Variants in PRKG1 observed in about 807,000 individuals in gnomAD.
PRKG1 encodes the protein protein kinase cGMP-dependent 1.
Under a neutral mutation model 88.1 loss-of-function variants are expected in PRKG1, and 35 were observed. The ratio of observed to expected loss-of-function variants is 0.40; its 90% CI spans 0.30 to 0.53. PRKG1 has a LOEUF of 0.53. PRKG1 is among the 20% of genes least tolerant of loss of function. The pLI, the probability that PRKG1 is intolerant of heterozygous loss-of-function variation, is 0.59. For synonymous variants in PRKG1, 303 were observed against 292.5 expected (o/e 1.04, Z -0.37); for missense variants, 540 against 839.8 (o/e 0.64, Z 4.41).
chr10:51,397,876 C>G lies in PRKG1; in HGVS notation c.479-69847C>G, dbSNP rs190629823. On this transcript the variant is annotated intron_variant, in intron 2 of 17. Coordinates refer to ENST00000373980, the MANE Select transcript of PRKG1 (RefSeq NM_006258.4). ...ATGAATCAGATGTCCTTTTCCTCCTCGAAGGCAGAATGTGTCACTTACTTA... is the reference window on the plus strand; with the variant it reads ...ATGAATCAGATGTCCTTTTCCTCCTGGAAGGCAGAATGTGTCACTTACTTA... Among the ~76,000 whole-genome samples, 239 of 152,276 alleles carry G rather than the reference C, an allele frequency of 1.6e-3. 1 individual carries two copies. Among genetic ancestry groups the G allele is most frequent in the African/African-American group, 5.7e-3 (235 of 41,556 alleles).
chr10:51,987,557 C>T (rs931421347), intron 5 of PRKG1, among the ~76,000 whole-genome samples: 2 of 151,126 alleles, frequency 1.3e-5, no homozygotes, highest in African/African-American at 4.9e-5. Context: ...TTCTAAGTCA[C>T]TAATTGTGTG....
At chr10:51,541,888 G>A (rs1398608210) in intron 3 of PRKG1, among the ~76,000 whole-genome samples, 1 of 152,088 alleles carries the variant, frequency 6.6e-6, no homozygotes, top group African/African-American at 2.4e-5. Context: ...AATGTAAAAT[G>A]TAAGATAGAA....
At chr10:51,802,634 A>G (rs1839203708) in intron 3 of PRKG1, among the ~76,000 whole-genome samples, 1 of 152,084 alleles carries the variant, frequency 6.6e-6, no homozygotes, top group African/African-American at 2.4e-5. Flanking sequence ...AGGAGCAGAG[A>G]TTATAAGAGA....
intron 3 of PRKG1, among the ~76,000 whole-genome samples, chr10:51,496,639 C>T (rs1019070839): frequency 1.3e-5 from 2 of 152,134 alleles, no homozygotes; most frequent in Non-Finnish European, 2.9e-5. Flanking sequence ...TGATCAGAAA[C>T]GCCTCAGTGT....
chr10:52,157,120 A>G (rs979226063), intron 8 of PRKG1, among the ~76,000 whole-genome samples: 5 of 150,978 alleles, frequency 3.3e-5, no homozygotes, highest in Non-Finnish European at 7.4e-5. Context: ...AAAATATTCT[A>G]TTTTTAAAAT....
At chr10:51,128,059 G>A (rs1845475053) in intron 1 of PRKG1, among the ~76,000 whole-genome samples, 1 of 152,070 alleles carries the variant, frequency 6.6e-6, no homozygotes, top group Non-Finnish European at 1.5e-5. Flanking sequence ...AAACCACCAT[G>A]GCACATGTAT....
At chr10:51,935,136 A>G (rs1480387603) in intron 5 of PRKG1, among the ~76,000 whole-genome samples, 1 of 152,086 alleles carries the variant, frequency 6.6e-6, no homozygotes, top group African/African-American at 2.4e-5. Flanking sequence ...AGTCCCTGGA[A>G]ATCTTTGTCT....
intron 3 of PRKG1, among the ~76,000 whole-genome samples, chr10:51,724,795 C>T (rs1842092191): frequency 6.6e-6 from 1 of 151,474 alleles, no homozygotes; most frequent in Non-Finnish European, 1.5e-5. Flanking sequence ...CCTGGGCTCT[C>T]AATCCGTCCT....
At chr10:51,208,010 G>A (rs1043634351) in intron 2 of PRKG1, among the ~76,000 whole-genome samples, 14 of 152,284 alleles carry the variant, frequency 9.2e-5, no homozygotes, top group African/African-American at 3.4e-4. Context: ...TGATGCAGTA[G>A]GGACTCTGTC....
At chr10:52,088,751 C>T (rs1190703754) in intron 7 of PRKG1, among the ~76,000 whole-genome samples, 1 of 152,126 alleles carries the variant, frequency 6.6e-6, no homozygotes, top group African/African-American at 2.4e-5. Flanking sequence ...GTTATGGCAG[C>T]AGAAACAGAC....
chr10:51,829,098 A>C (rs1161056065), intron 4 of PRKG1, among the ~76,000 whole-genome samples: 1 of 152,160 alleles, frequency 6.6e-6, no homozygotes, highest in Non-Finnish European at 1.5e-5. Context: ...GGGTGTGAGA[A>C]TCTGCTTCAA....
At chr10:52,017,242 T>A (rs1465327194) in intron 5 of PRKG1, among the ~76,000 whole-genome samples, 1 of 152,206 alleles carries the variant, frequency 6.6e-6, no homozygotes, top group East Asian at 1.9e-4. Flanking sequence ...TGCAGTTCTC[T>A]GGTTTGAGTT....
At chr10:51,656,200 G>A (rs753650839) in intron 3 of PRKG1, among the ~76,000 whole-genome samples, 1 of 152,144 alleles carries the variant, frequency 6.6e-6, no homozygotes, top group Non-Finnish European at 1.5e-5. Context: ...GTAACTAAAT[G>A]TTCTTGTTAA....
chr10:51,877,573 A>C (rs565811281), intron 4 of PRKG1, among the ~76,000 whole-genome samples: 2 of 152,308 alleles, frequency 1.3e-5, no homozygotes, highest in African/African-American at 4.8e-5. Context: ...ATTTTTAAAA[A>C]CCTCAAAATT....
chr10:51,461,855 C>T (rs1194794770), intron 2 of PRKG1, among the ~76,000 whole-genome samples: 1 of 152,128 alleles, frequency 6.6e-6, no homozygotes, highest in Non-Finnish European at 1.5e-5. Flanking sequence ...CGTAGGTTGC[C>T]CCATGGCAGC....
In PRKG1 at chr10:52,133,922, A is replaced by G; in HGVS notation, c.1001+17A>G. The G allele has an allele frequency of 6.3e-7, 1 of 1,596,146 alleles. No homozygotes were observed. The highest frequency in any genetic ancestry group is 1.1e-5 in the South Asian group (1 of 90,324). Reference sequence around the variant, plus strand: ...TGACAGAGAGTAAGTACATTGTTTTATTATGTGAATTACACACTCATATCA... The same window carrying G: ...TGACAGAGAGTAAGTACATTGTTTTGTTATGTGAATTACACACTCATATCA... On this transcript the variant is annotated intron_variant, in intron 8 of 17. Coordinates refer to ENST00000373980, the MANE Select transcript of PRKG1 (RefSeq NM_006258.4).
chr10:51,179,431 CG>C (rs1564628968), intron 2 of PRKG1, among the ~76,000 whole-genome samples: 1 of 152,210 alleles, frequency 6.6e-6, no homozygotes, highest in African/African-American at 2.4e-5. Context: ...AGCTAATTAT[CG>C]GCTTTATCCG....
At chr10:51,766,870 C>T (rs1838177445) in intron 3 of PRKG1, among the ~76,000 whole-genome samples, 1 of 152,170 alleles carries the variant, frequency 6.6e-6, no homozygotes, top group Admixed American at 6.6e-5. Flanking sequence ...TTTGTTCACT[C>T]TTTTGTACTT....
chr10:51,005,440 A>G (rs945353403), intron 1 of PRKG1, among the ~76,000 whole-genome samples: 1 of 152,202 alleles, frequency 6.6e-6, no homozygotes, highest in African/African-American at 2.4e-5. Context: ...AAATCAAGCA[A>G]ATATCAAGAA....
Sources: allele counts gnomAD v4.1 joint callset (sites outside exome capture counted in the v4.1 genomes callset), GRCh38; gene constraint gnomAD v4.1.1; transcripts MANE v1.5; gene names NCBI Gene and HGNC (gene_info 2026-07-23, HGNC 2026-07-21).